PBX1: variants seen among roughly 807,000 people sequenced by gnomAD.
The protein encoded by PBX1 is pre-B-cell leukemia transcription factor 1.
Under a neutral mutation model 53.4 loss-of-function variants are expected in PBX1, and 6 were observed. That is an observed-to-expected ratio of 0.11 (90% CI 0.06 to 0.22). The LOEUF is 0.22. Among genes scored for constraint, PBX1 ranks in the 10% least tolerant of loss-of-function variants. The pLI, the probability that PBX1 is intolerant of heterozygous loss-of-function variation, is 1.00. For synonymous variants in PBX1, 204 were observed against 212.3 expected (o/e 0.96, Z 0.34); for missense variants, 251 against 551.4 (o/e 0.46, Z 5.46).
At chr1:164,570,964 T>C (rs1232425563) in intron 2 of PBX1, among the ~76,000 whole-genome samples, 1 of 152,246 alleles carries the variant, frequency 6.6e-6, no homozygotes, top group East Asian at 1.9e-4. Context: ...CCAGTGATGA[T>C]GAGCTTTTTT....
At chr1:164,772,059 T>C (rs1223530927) in intron 2 of PBX1, among the ~76,000 whole-genome samples, 8 of 152,368 alleles carry the variant, frequency 5.3e-5, no homozygotes, top group African/African-American at 1.9e-4. Flanking sequence ...CTTTGTCTGT[T>C]CATCCTTTCT....
chr1:164,864,183 T>C (rs116699968), intron 2 of PBX1, among the ~76,000 whole-genome samples: 1,803 of 152,202 alleles, frequency 0.012, 27 homozygotes, highest in African/African-American at 0.037. Context: ...GGGTCACTGT[T>C]GCTGGCAGGA....
chr1:164,819,916 C>T (rs976518750), intron 6 of PBX1, 156 bp from the exon 7 acceptor site: 2 of 596,066 alleles, frequency 3.4e-6, no homozygotes, highest in African/African-American at 1.9e-5. Flanking sequence ...TTGCTCTGTT[C>T]TTCATGCTAC....
In PBX1 at chr1:164,766,189, A is replaced by G. The variant is rs994498943; in HGVS notation, c.266-26305A>G. Among the ~76,000 whole-genome samples the G allele has an allele frequency of 3.3e-5, 5 of 152,332 alleles. No homozygotes were observed. In the South Asian group the frequency reaches 8.3e-4, roughly 25 times the overall value. ...AGAAGCTGAGAAGGGGGAGATTAGT[A>G]TATGCTAGGGTGAAGGGAATCTAGA... On this transcript the variant is annotated intron_variant, in intron 2 of 8. Coordinates refer to ENST00000420696, the MANE Select transcript of PBX1 (RefSeq NM_002585.4).
chr1:164,778,074 T>A (rs1667754352), intron 2 of PBX1, among the ~76,000 whole-genome samples: 1 of 152,102 alleles, frequency 6.6e-6, no homozygotes, highest in Non-Finnish European at 1.5e-5. Context: ...GGTAGGGAGG[T>A]GGCCCCATAA....
intron 2 of PBX1, among the ~76,000 whole-genome samples, chr1:164,685,147 G>C (rs557700757): frequency 1.3e-5 from 2 of 152,256 alleles, no homozygotes; most frequent in South Asian, 4.1e-4. Context: ...CAGGGTTCTA[G>C]TCCTGTCTTT....
chr1:164,659,827 G>A (rs962422207), intron 2 of PBX1, among the ~76,000 whole-genome samples: 1 of 152,156 alleles, frequency 6.6e-6, no homozygotes, highest in Non-Finnish European at 1.5e-5. Flanking sequence ...CAGTGGTGGG[G>A]ATAAGTCCCC....
At chr1:164,674,635 A>G (rs1661316309) in intron 2 of PBX1, 1 of 152,196 alleles carries the variant, frequency 6.6e-6, no homozygotes, top group African/African-American at 2.4e-5. Context: ...AGCTGATGCC[A>G]ACTAAATAGG....
chr1:164,872,452 T>C (rs1158994295), intron 2 of PBX1, among the ~76,000 whole-genome samples: 1 of 152,236 alleles, frequency 6.6e-6, no homozygotes, highest in Non-Finnish European at 1.5e-5. Context: ...CTGAGCCTCC[T>C]TGAGCTTCTC....
At chr1:164,595,261 C>G (rs1655675332) in intron 2 of PBX1, among the ~76,000 whole-genome samples, 1 of 152,204 alleles carries the variant, frequency 6.6e-6, no homozygotes, top group Non-Finnish European at 1.5e-5. Flanking sequence ...TGGTACAACT[C>G]TATGGACTTG....
intron 2 of PBX1, among the ~76,000 whole-genome samples, chr1:164,689,206 A>G (rs912687058): frequency 5.3e-5 from 8 of 152,234 alleles, no homozygotes; most frequent in Admixed American, 3.9e-4. Context: ...TGAAATATAC[A>G]TCAAAACATG....
At position 164,601,091 on chromosome 1, in the gene PBX1, T is replaced by C. The variant is rs187877522; in HGVS notation, c.265+37780T>C. On this transcript the variant is annotated intron_variant, in intron 2 of 8. Transcript: ENST00000420696. Reference sequence around the variant, plus strand: ...CCGTCTCTACTAAAAATACAAAAATTAGCCGGGCGTGGCGGTGGGCGCCTG... The same window carrying C: ...CCGTCTCTACTAAAAATACAAAAATCAGCCGGGCGTGGCGGTGGGCGCCTG... Among the ~76,000 whole-genome samples the C allele has an allele frequency of 3.5e-3, 523 of 151,496 alleles. 2 individuals are homozygous for C. The highest frequency in any genetic ancestry group is 6.2e-3 in the Admixed American group (94 of 15,232).
intron 2 of PBX1, among the ~76,000 whole-genome samples, chr1:164,649,397 G>T (rs1324017156): frequency 6.6e-6 from 1 of 152,162 alleles, no homozygotes; most frequent in Non-Finnish European, 1.5e-5. Context: ...ATTTTCGAAT[G>T]TAGAGAATAC....
chr1:164,576,197 T>A (rs1006754144), intron 2 of PBX1, among the ~76,000 whole-genome samples: 3 of 152,206 alleles, frequency 2.0e-5, no homozygotes, highest in Non-Finnish European at 2.9e-5. Context: ...GATGCCCTTT[T>A]CAGAAAGGAT....
intron 4 of PBX1, 131 bp downstream of exon 4, chr1:164,800,020 G>A (rs1668990759): frequency 2.6e-6 from 2 of 782,384 alleles, no homozygotes; most frequent in Admixed American, 2.8e-5. Context: ...CCTGAGGATG[G>A]TTCTGCGAGA....
chr1:164,802,827 T>C (rs1669149774), intron 4 of PBX1, among the ~76,000 whole-genome samples: 1 of 152,190 alleles, frequency 6.6e-6, no homozygotes, highest in African/African-American at 2.4e-5. Flanking sequence ...CCAAGCATTG[T>C]GCCATACAAC....
rs897564148 is a variant in PBX1, at chr1:164,671,571, C to T, written c.265+108260C>T. On this transcript the variant is annotated intron_variant, in intron 2 of 8. Coordinates refer to ENST00000420696, the MANE Select transcript of PBX1 (RefSeq NM_002585.4). ...CTGCTTCATCTTTAGTTTCCCCTGT[C>T]GTTACCCTTTCCCTCCATCAGTATG... 5.3e-5 allele frequency among the ~76,000 whole-genome samples: 8 copies of T among 152,228 alleles called. No individual in the cohort carries two copies. The East Asian group carries it at 9.7e-4, about 18-fold the overall frequency.
At chr1:164,575,497 G>A (rs1654158310) in intron 2 of PBX1, among the ~76,000 whole-genome samples, 2 of 152,178 alleles carry the variant, frequency 1.3e-5, no homozygotes, top group Non-Finnish European at 2.9e-5. Flanking sequence ...AGAGTCAGTC[G>A]TTTTTCCTGA....
intron 2 of PBX1, among the ~76,000 whole-genome samples, chr1:164,745,979 C>T (rs188170196): frequency 4.4e-4 from 67 of 152,310 alleles, no homozygotes; most frequent in African/African-American, 1.2e-3. Context: ...ATCAAACAGT[C>T]ACTGACCTGT....
Sources: gnomAD v4.1 joint callset for allele counts (sites outside exome capture counted in the v4.1 genomes callset) on GRCh38, gnomAD v4.1.1 for gene constraint, MANE v1.5 for transcripts, NCBI Gene and HGNC (gene_info 2026-07-23, HGNC 2026-07-21) for gene names.